PCOLCE2: variants seen among roughly 807,000 people sequenced by gnomAD.
The protein encoded by PCOLCE2 is procollagen C-endopeptidase enhancer 2, also known as procollagen C-proteinase enhancer 2.
In PCOLCE2, 42 loss-of-function variants were observed where a neutral mutation model predicts 47.0. The observed-to-expected ratio is 0.89, with a 90% CI of 0.70 to 1.16. The LOEUF (loss-of-function observed/expected upper bound fraction) is 1.16, where lower values mean the gene tolerates loss of function less well. PCOLCE2 is among the 50% of genes most tolerant of loss of function. The pLI is 0.00. For missense variants in PCOLCE2, 500 were observed against 526.1 expected (o/e 0.95, Z 0.49); for synonymous variants, 169 against 191.7 (o/e 0.88, Z 0.98).
intron 5 of PCOLCE2, among the ~76,000 whole-genome samples, chr3:142,834,830 G>T (rs370765845): frequency 6.6e-6 from 1 of 151,948 alleles, no homozygotes; most frequent in Non-Finnish European, 1.5e-5. Context: ...GTTCATACTA[G>T]CTTTATAAAA....
At chr3:142,827,207 A>G in intron 6 of PCOLCE2, 2 of 1,262,340 alleles carry the variant, frequency 1.6e-6, no homozygotes, top group Non-Finnish European at 1.1e-6. Context: ...GGCGGAGGGG[A>G]TGCCGATGTG....
intron 2 of PCOLCE2, among the ~76,000 whole-genome samples, chr3:142,870,891 C>T (rs186378437): frequency 1.4e-4 from 22 of 152,244 alleles, no homozygotes; most frequent in African/African-American, 5.1e-4. Context: ...ATTTTTGTTA[C>T]ATCCTAAAGT....
chr3:142,887,792 GAAGAA>G lies in PCOLCE2; in HGVS notation c.84-20_84-16del. ...TGAAAACAGGTCTGGGAACATAAAAGAAGAAAAGATAATGTAATTTGAAACATGGT... is the reference window on the plus strand; with the variant it reads ...TGAAAACAGGTCTGGGAACATAAAAGAAGATAATGTAATTTGAAACATGGT... On this transcript the variant is annotated splice_polypyrimidine_tract_variant and intron_variant, in intron 1 of 8. Transcript: ENST00000295992. 7.3e-7 allele frequency: 1 copy of G among 1,363,250 alleles called. No individual in the cohort carries two copies. Among genetic ancestry groups the G allele is most frequent in the Non-Finnish European group, 1.0e-6 (1 of 952,990 alleles). The allele number at this position is 1,363,250 out of a possible 1,614,324, so 84.4% of individuals were successfully genotyped here.
At chr3:142,840,398 AC>A (rs1165057405) in intron 4 of PCOLCE2, among the ~76,000 whole-genome samples, 2 of 152,178 alleles carry the variant, frequency 1.3e-5, no homozygotes, top group Non-Finnish European at 2.9e-5. Context: ...ATTTATTATT[AC>A]CTATGACAGC....
At chr3:142,883,043 AC>A (rs1933655439) in intron 2 of PCOLCE2, among the ~76,000 whole-genome samples, 1 of 151,818 alleles carries the variant, frequency 6.6e-6, no homozygotes, top group Non-Finnish European at 1.5e-5. Context: ...TACTAAAAAT[AC>A]AAAAAATTAG....
intron 8 of PCOLCE2, among the ~76,000 whole-genome samples, chr3:142,819,275 T>C (rs73864454): frequency 9.1e-4 from 138 of 152,296 alleles, no homozygotes; most frequent in African/African-American, 3.3e-3. Flanking sequence ...AATATTTATA[T>C]TACCTCAGAA....
At chr3:142,827,429 C>T (rs747280419) in intron 6 of PCOLCE2, 47 of 1,563,744 alleles carry the variant, frequency 3.0e-5, no homozygotes, top group East Asian at 9.0e-5. Flanking sequence ...CAGCTTCACA[C>T]GGGTCTTCTT....
At chr3:142,829,348 C>T (rs1285810105) in intron 6 of PCOLCE2, among the ~76,000 whole-genome samples, 1 of 150,544 alleles carries the variant, frequency 6.6e-6, no homozygotes, top group Non-Finnish European at 1.5e-5. Flanking sequence ...CCTAGAACTT[C>T]AACCTAAAAT....
At chr3:142,873,167 G>A (rs1049841396) in intron 2 of PCOLCE2, among the ~76,000 whole-genome samples, 3 of 151,890 alleles carry the variant, frequency 2.0e-5, no homozygotes, top group Non-Finnish European at 2.9e-5. Flanking sequence ...CTGAGGCAGC[G>A]GGATCACCCT....
intron 2 of PCOLCE2, among the ~76,000 whole-genome samples, chr3:142,885,744 C>A (rs548603848): frequency 6.6e-6 from 1 of 152,196 alleles, no homozygotes; most frequent in Non-Finnish European, 1.5e-5. Flanking sequence ...TAACTCCCTA[C>A]AGTTCATCTT....
At chr3:142,882,702 T>C (rs1361406377) in intron 2 of PCOLCE2, among the ~76,000 whole-genome samples, 1 of 151,790 alleles carries the variant, frequency 6.6e-6, no homozygotes, top group Non-Finnish European at 1.5e-5. Context: ...GCCTCTGCCT[T>C]CCAAAGTGCT....
At chr3:142,875,278 G>A (rs1217129414) in intron 2 of PCOLCE2, among the ~76,000 whole-genome samples, 1 of 152,164 alleles carries the variant, frequency 6.6e-6, no homozygotes, top group Admixed American at 6.5e-5. Context: ...GCTGATGACT[G>A]TGCCAGCATC....
intron 6 of PCOLCE2, chr3:142,827,130 C>T (rs1937088831): frequency 2.1e-6 from 3 of 1,445,062 alleles, no homozygotes; most frequent in Admixed American, 3.4e-5. Context: ...CTTGGTTCCC[C>T]AGAGACGTCC....
At chr3:142,864,055 G>A (rs1405777548) in intron 2 of PCOLCE2, 1 of 152,146 alleles carries the variant, frequency 6.6e-6, no homozygotes, top group African/African-American at 2.4e-5. Flanking sequence ...AGACTGGGGA[G>A]CGTCTCAGAA....
intron 5 of PCOLCE2, among the ~76,000 whole-genome samples, chr3:142,837,949 G>C (rs1403183774): frequency 6.6e-6 from 1 of 152,196 alleles, no homozygotes; most frequent in Non-Finnish European, 1.5e-5. Flanking sequence ...AACAGTCCAG[G>C]ACAGATCTCT....
At chr3:142,860,142 C>T (rs1247918797) in intron 2 of PCOLCE2, among the ~76,000 whole-genome samples, 2 of 152,174 alleles carry the variant, frequency 1.3e-5, no homozygotes, top group Non-Finnish European at 2.9e-5. Flanking sequence ...TCTTCCTGCC[C>T]CTGACAGCCA....
intron 6 of PCOLCE2, 28 bp downstream of exon 6, chr3:142,829,664 G>A (rs1362280978): frequency 6.6e-7 from 1 of 1,518,986 alleles, no homozygotes; most frequent in East Asian, 2.3e-5. Flanking sequence ...TAAAGTTTTT[G>A]CACAAACTTC....
chr3:142,818,815 T>G (rs1936979973), intron 8 of PCOLCE2, among the ~76,000 whole-genome samples: 1 of 152,250 alleles, frequency 6.6e-6, no homozygotes. Flanking sequence ...TCAGCTACGC[T>G]AACACCAGGA....
chr3:142,839,438 G>C (rs1937240851), intron 4 of PCOLCE2, among the ~76,000 whole-genome samples: 1 of 151,922 alleles, frequency 6.6e-6, no homozygotes, highest in Non-Finnish European at 1.5e-5. Context: ...TCAGCCTCCT[G>C]AGTAGCTGGA....
Sources: gnomAD v4.1 joint callset for allele counts (sites outside exome capture counted in the v4.1 genomes callset) on GRCh38, gnomAD v4.1.1 for gene constraint, MANE v1.5 for transcripts, NCBI Gene and HGNC (gene_info 2026-07-23, HGNC 2026-07-21) for gene names.